Variants in EFL1 observed in about 807,000 individuals in gnomAD.
The protein encoded by EFL1 is elongation factor like GTPase 1.
Under a neutral mutation model 126.7 loss-of-function variants are expected in EFL1, and 76 were observed. The observed-to-expected ratio is 0.60, with a 90% CI of 0.50 to 0.73. EFL1 has a LOEUF of 0.73. Ranked by LOEUF, EFL1 falls within the 30% of genes least tolerant of loss-of-function variation. EFL1 has a pLI of 0.00. For missense variants in EFL1, 1,128 were observed against 1,343.2 expected, an observed-to-expected ratio of 0.84 and a Z score of 2.50; for synonymous variants, 410 against 448.4, an observed-to-expected ratio of 0.91 and a Z score of 1.08.
At chr15:82,193,378 T>A (rs2074378803) in intron 15 of EFL1, among the ~76,000 whole-genome samples, 1 of 152,210 alleles carries the variant, frequency 6.6e-6, no homozygotes, top group South Asian at 2.1e-4. Flanking sequence ...ACTCAATTCA[T>A]GCACATCCTT....
chr15:82,146,767 C>T (rs546754712), intron 18 of EFL1, among the ~76,000 whole-genome samples: 9 of 152,066 alleles, frequency 5.9e-5, no homozygotes, highest in African/African-American at 1.7e-4. Flanking sequence ...AGTTGCCGCA[C>T]GCAGGGTAAA....
In EFL1 at chr15:82,151,465, C is replaced by G. The variant is rs765604542; in HGVS notation, c.2989G>C (p.Gly997Arg). 1 of 1,602,222 alleles carries G rather than the reference C, an allele frequency of 6.2e-7. No homozygotes were observed. The highest frequency in any genetic ancestry group is 8.5e-7 in the Non-Finnish European group (1 of 1,175,186). Residue 997 changes from glycine (G) to arginine (R), a missense_variant and splice_region_variant, in exon 18 of 20, where the codon GGT becomes CGT. Around this residue, in one of 6 missense-constraint regions of EFL1, gnomAD observed 561 missense variants for 641.7 expected, o/e 0.87. Transcript: ENST00000268206. ...CDIMATGDVL[G>R]RVYAVLSKRE... ...ACTATCTTTACCTTTTCTTCCTTAC[C>G]GAGAACATCACCAGTGGCCATGATG... is the stretch of plus-strand genomic sequence containing the variant.
At chr15:82,171,565 T>C (rs1246300438) in intron 15 of EFL1, among the ~76,000 whole-genome samples, 1 of 152,116 alleles carries the variant, frequency 6.6e-6, no homozygotes, top group Non-Finnish European at 1.5e-5. Context: ...TTCATGTAGA[T>C]CAAAGGCCTA....
chr15:82,238,219 T>C (rs1400653655), intron 7 of EFL1, 88 bp downstream of exon 7: 6 of 1,412,014 alleles, frequency 4.2e-6, no homozygotes, highest in Non-Finnish European at 5.8e-6. Flanking sequence ...GGTGAATCTA[T>C]AATTATCTCA....
chr15:82,194,828 A>C (rs1206702792), intron 15 of EFL1, among the ~76,000 whole-genome samples: 3 of 152,224 alleles, frequency 2.0e-5, no homozygotes, highest in Non-Finnish European at 4.4e-5. Context: ...CTTTTCCACA[A>C]AATCTAGTAG....
intron 15 of EFL1, among the ~76,000 whole-genome samples, chr15:82,166,460 T>A (rs2074080537): frequency 6.6e-6 from 1 of 152,238 alleles, no homozygotes; most frequent in Non-Finnish European, 1.5e-5. Flanking sequence ...CTTCACTACC[T>A]GTACTACATG....
At chr15:82,179,447 G>T (rs1422314363) in intron 15 of EFL1, among the ~76,000 whole-genome samples, 1 of 152,092 alleles carries the variant, frequency 6.6e-6, no homozygotes, top group Admixed American at 6.6e-5. Context: ...CCCCAACTTA[G>T]ATTGCACCTA....
At position 82,151,487 on chromosome 15, in the gene EFL1, G is replaced by T; in HGVS notation, c.2967C>A (p.Ile989=). 1 of 1,610,844 alleles carries T rather than the reference G, an allele frequency of 6.2e-7. No individual in the cohort carries two copies. The highest frequency in any genetic ancestry group is 8.5e-7 in the Non-Finnish European group (1 of 1,178,802). The change falls in exon 18 of 20, where the codon ATC becomes ATA. Residue 989 remains isoleucine, a synonymous_variant. Coordinates refer to ENST00000268206, the MANE Select transcript of EFL1 (RefSeq NM_024580.6). ...TACCGAGAACATCACCAGTGGCCAT[G>T]ATGTCACATGTGTACATAGCTGCCA... ...RLMAAMYTCD[I]MATGDVLGRV...
chr15:82,220,989 C>T (rs1341417040), intron 12 of EFL1, among the ~76,000 whole-genome samples: 9 of 152,120 alleles, frequency 5.9e-5, no homozygotes, highest in East Asian at 1.9e-4. Flanking sequence ...TCCCTTCCCA[C>T]GTAGAGGTCC....
At chr15:82,261,029 C>T (rs959911281) in intron 2 of EFL1, among the ~76,000 whole-genome samples, 1 of 152,208 alleles carries the variant, frequency 6.6e-6, no homozygotes, top group Non-Finnish European at 1.5e-5. Flanking sequence ...TTCCCATATA[C>T]TGGGCTTTGA....
intron 17 of EFL1, among the ~76,000 whole-genome samples, chr15:82,153,472 A>C (rs2073935067): frequency 6.6e-6 from 1 of 152,178 alleles, no homozygotes. Context: ...AAAAAAACTT[A>C]TTATGTATGA....
At position 82,205,539 on chromosome 15, in the gene EFL1, TACAC is replaced by T. The variant is rs144966014; in HGVS notation, c.1750+9174_1750+9177del. On this transcript the variant is annotated intron_variant, in intron 15 of 19. Transcript: ENST00000268206. ...ACAAGTATAATCAAACTCCAGTAAA[TACAC>T]ACACACACACACACACAAACACACT... 2.7e-3 allele frequency among the ~76,000 whole-genome samples: 406 copies of T among 149,992 alleles called. 2 individuals carry two copies. The highest frequency in any genetic ancestry group is 4.3e-3 in the Non-Finnish European group (286 of 67,256).
At chr15:82,230,425 C>T (rs1440766992) in intron 8 of EFL1, among the ~76,000 whole-genome samples, 1 of 152,042 alleles carries the variant, frequency 6.6e-6, no homozygotes, top group Non-Finnish European at 1.5e-5. Context: ...CCGATCTACA[C>T]TGCACGATGA....
chr15:82,133,467 A>T (rs560715135), intron 19 of EFL1, among the ~76,000 whole-genome samples: 1 of 152,342 alleles, frequency 6.6e-6, no homozygotes, highest in South Asian at 2.1e-4. Flanking sequence ...TCCAAACATA[A>T]ATTGCACAAT....
chr15:82,254,144 G>A (rs572381682), intron 3 of EFL1, among the ~76,000 whole-genome samples: 2 of 152,288 alleles, frequency 1.3e-5, no homozygotes, highest in African/African-American at 4.8e-5. Context: ...CTGGCGAAAC[G>A]CAATAATCAT....
intron 15 of EFL1, among the ~76,000 whole-genome samples, chr15:82,171,040 A>G (rs1427630970): frequency 6.6e-6 from 1 of 152,236 alleles, no homozygotes; most frequent in African/African-American, 2.4e-5. Flanking sequence ...CAACCAGGAA[A>G]TCATAACTGA....
intron 7 of EFL1, among the ~76,000 whole-genome samples, chr15:82,236,958 G>T (rs1196668420): frequency 6.6e-6 from 1 of 152,180 alleles, no homozygotes; most frequent in Non-Finnish European, 1.5e-5. Context: ...TGGACAACAT[G>T]GTGAAACCTG....
At chr15:82,200,214 T>C (rs909652687) in intron 15 of EFL1, among the ~76,000 whole-genome samples, 6 of 152,190 alleles carry the variant, frequency 3.9e-5, no homozygotes, top group Admixed American at 3.3e-4. Flanking sequence ...ATGAGAGTTA[T>C]AGAACGTAAA....
Position 82,151,445 on chromosome 15 carries a change from C to T in EFL1, c.2989+20G>A. On this transcript the variant is annotated intron_variant, in intron 18 of 19. Transcript: ENST00000268206. ...TGTTATTCAGGGCATTTCTCACTAT[C>T]TTTACCTTTTCTTCCTTACCGAGAA... 1 of 1,581,730 alleles carries T rather than the reference C, an allele frequency of 6.3e-7. No individual in the cohort carries two copies. The highest frequency in any genetic ancestry group is 8.6e-7 in the Non-Finnish European group (1 of 1,165,720).
Sources: gnomAD v4.1 joint callset for allele counts (sites outside exome capture counted in the v4.1 genomes callset) on GRCh38, gnomAD v4.1.1 for gene constraint, gnomAD v4.1.1 regional missense constraint, MANE v1.5 for transcripts, NCBI Gene and HGNC (gene_info 2026-07-23, HGNC 2026-07-21) for gene names.